PPARGC1B: variants seen among roughly 807,000 people sequenced by gnomAD.
PPARGC1B encodes peroxisome proliferator-activated receptor gamma coactivator 1-beta.
PPARGC1B carries 34 observed loss-of-function variants against 101.6 expected under a neutral mutation model. The observed-to-expected ratio is 0.33, with a 90% CI of 0.25 to 0.45. The LOEUF is 0.45. Ranked by LOEUF, PPARGC1B falls within the 20% of genes least tolerant of loss-of-function variation. The pLI is 1.00. For missense variants in PPARGC1B, 1,234 were observed against 1,317.6 expected (o/e 0.94, Z 0.98); for synonymous variants, 548 against 539.3 (o/e 1.02, Z -0.22).
intron 1 of PPARGC1B, among the ~76,000 whole-genome samples, chr5:149,808,268 C>G (rs1757674707): frequency 6.6e-6 from 1 of 152,100 alleles, no homozygotes; most frequent in Non-Finnish European, 1.5e-5. Flanking sequence ...TAATTCCAGC[C>G]CCAGCTCCAC....
chr5:149,838,451 G>C (rs551651300), intron 8 of PPARGC1B, among the ~76,000 whole-genome samples: 1 of 152,278 alleles, frequency 6.6e-6, no homozygotes, highest in African/African-American at 2.4e-5. Flanking sequence ...TTTCCCGGGG[G>C]TAGCTTCTGC....
intron 1 of PPARGC1B, among the ~76,000 whole-genome samples, chr5:149,795,562 G>A (rs1332131139): frequency 6.6e-6 from 1 of 152,206 alleles, no homozygotes; most frequent in Non-Finnish European, 1.5e-5. Context: ...GAAAGGAGCA[G>A]TGGGGAGTTT....
chr5:149,839,089 C>T (rs139018790), intron 8 of PPARGC1B, among the ~76,000 whole-genome samples: 90 of 152,254 alleles, frequency 5.9e-4, no homozygotes, highest in African/African-American at 2.1e-3. Flanking sequence ...GCTGCTTATC[C>T]CCATTTTATA....
chr5:149,751,423 C>T (rs535372246), intron 1 of PPARGC1B, among the ~76,000 whole-genome samples: 2 of 152,144 alleles, frequency 1.3e-5, no homozygotes, highest in African/African-American at 2.4e-5. Flanking sequence ...AAACTAATCC[C>T]GGCCGGGCAC....
At chr5:149,737,595 G>T (rs182632356) in intron 1 of PPARGC1B, among the ~76,000 whole-genome samples, 1 of 152,208 alleles carries the variant, frequency 6.6e-6, no homozygotes. Context: ...CCCCTTACTG[G>T]GTTTGAGTCT....
chr5:149,847,672 AC>A lies in PPARGC1B; in HGVS notation c.*117del. On this transcript the variant is annotated 3_prime_UTR_variant, in exon 12 of 12. Transcript: ENST00000309241. ...GGAGAGCGAGCGAGCGTGAGAGAAC[AC>A]CCGTGAGAGAGACTTGAAACTGCTG... 1.3e-6 allele frequency: 1 copy of A among 741,208 alleles called. No individual in the cohort carries two copies. The highest frequency in any genetic ancestry group is 2.3e-6 in the Non-Finnish European group (1 of 437,824). The allele number at this position is 741,208 out of a possible 1,614,324, so 45.9% of individuals were successfully genotyped here. A position where few individuals can be genotyped will look rare whatever the true frequency, so the allele number is the denominator to read the frequency against.
chr5:149,822,838 A>G (rs1336547172), intron 2 of PPARGC1B, among the ~76,000 whole-genome samples: 1 of 151,962 alleles, frequency 6.6e-6, no homozygotes, highest in African/African-American at 2.4e-5. Context: ...GACCCATTCC[A>G]AAAACCTTGA....
intron 1 of PPARGC1B, among the ~76,000 whole-genome samples, chr5:149,792,187 A>G (rs920978385): frequency 1.3e-5 from 2 of 152,138 alleles, no homozygotes; most frequent in African/African-American, 4.8e-5. Context: ...GGGTGGGAAG[A>G]GCAGGACATG....
intron 1 of PPARGC1B, among the ~76,000 whole-genome samples, chr5:149,751,958 C>G (rs1006659786): frequency 6.6e-6 from 1 of 152,170 alleles, no homozygotes; most frequent in African/African-American, 2.4e-5. Flanking sequence ...ACAGCAATCC[C>G]TGCATTGCTG....
At chr5:149,766,177 C>G (rs2113169883) in intron 1 of PPARGC1B, among the ~76,000 whole-genome samples, 1 of 152,218 alleles carries the variant, frequency 6.6e-6, no homozygotes, top group Admixed American at 6.5e-5. Flanking sequence ...TATTTTAAGT[C>G]TTGTTTTTAA....
In PPARGC1B at chr5:149,826,819, T is replaced by C; in HGVS notation, c.399T>C (p.Ser133=). 1 of 1,613,930 alleles carries C rather than the reference T, an allele frequency of 6.2e-7. No individual in the cohort carries two copies. The highest frequency in any genetic ancestry group is 1.7e-4 in the Middle Eastern group (1 of 6,054). Residue 133 remains serine (S), a synonymous_variant, in exon 3 of 12, where the codon TCT becomes TCC. Transcript: ENST00000309241. ...SCTSASPAPS[S]APPSPAPEKP... The stretch of plus-strand genomic sequence containing the variant: ...CCTCAGCTTCGCCTGCCCCCTCATC[T>C]GCACCCCCCAGCCCTGCCCCGGAGA...
At chr5:149,818,137 G>C (rs1279024071) in intron 1 of PPARGC1B, among the ~76,000 whole-genome samples, 1 of 152,226 alleles carries the variant, frequency 6.6e-6, no homozygotes, top group African/African-American at 2.4e-5. Context: ...CTTGTGGGGA[G>C]AGCGGTACCT....
intron 1 of PPARGC1B, chr5:149,771,827 C>T (rs1331842856): frequency 1.4e-5 from 5 of 369,852 alleles, no homozygotes; most frequent in Non-Finnish European, 2.4e-5. Context: ...GTGGGAGGCT[C>T]TGAGTTGTAG....
intron 1 of PPARGC1B, chr5:149,732,771 G>C (rs1398149208): frequency 1.1e-5 from 5 of 471,498 alleles, no homozygotes; most frequent in Non-Finnish European, 2.2e-5. Flanking sequence ...AAGAGGCTGC[G>C]AGGAGTGAGC....
chr5:149,826,626 C>A, intron 2 of PPARGC1B, 47 bp from the exon 3 acceptor site: 1 of 1,445,392 alleles, frequency 6.9e-7, no homozygotes, highest in Non-Finnish European at 9.7e-7. Flanking sequence ...TGGTGACTAA[C>A]CATCTCCCCA....
At position 149,848,559 on chromosome 5, in the gene PPARGC1B, G is replaced by A. The variant is rs1399538408; in HGVS notation, c.*1001G>A. ...ATTGGGCACCGGGCTAGAAGCCTAAGGGCTCATTTTAGGGGTTACATTAGG... is the reference window on the plus strand; with the variant it reads ...ATTGGGCACCGGGCTAGAAGCCTAAAGGCTCATTTTAGGGGTTACATTAGG... On this transcript the variant is annotated 3_prime_UTR_variant, in exon 12 of 12. Coordinates refer to ENST00000309241, the MANE Select transcript of PPARGC1B (RefSeq NM_133263.4). 1 of 152,324 alleles carries A rather than the reference G, an allele frequency of 6.6e-6. No individual in the cohort carries two copies. The highest frequency in any genetic ancestry group is 1.9e-4 in the East Asian group (1 of 5,182). The allele number at this position is 152,324 out of a possible 1,614,324, so 9.4% of individuals were successfully genotyped here.
At chr5:149,835,023 C>T (rs1343930750) in intron 6 of PPARGC1B, among the ~76,000 whole-genome samples, 3 of 152,228 alleles carry the variant, frequency 2.0e-5, no homozygotes, top group Non-Finnish European at 4.4e-5. Context: ...TTCTGGGCCT[C>T]GGTTGCTCCC....
chr5:149,833,180 C>T lies in PPARGC1B; in HGVS notation c.1107C>T (p.Leu369=), dbSNP rs1272047031. Residue 369 remains leucine (L), a synonymous_variant, in exon 5 of 12, where the codon CTC becomes CTT. Transcript: ENST00000309241. The surrounding 1 kb of genome is among the most constrained non-coding windows in gnomAD (Gnocchi z 4.1). ...TGGCCACGCCTGTTTATGCCTCCCT[C>T]ACACCTCGGTCAAGGCCCAGGCCCC... The part of the protein sequence containing the change: ...YRLATPVYAS[L]TPRSRPRPPK... 1.2e-6 allele frequency: 2 copies of T among 1,613,438 alleles called. No homozygotes were observed. Among genetic ancestry groups the T allele is most frequent in the Non-Finnish European group, 1.7e-6 (2 of 1,180,054 alleles).
At chr5:149,749,717 G>A (rs558051433) in intron 1 of PPARGC1B, among the ~76,000 whole-genome samples, 4 of 152,196 alleles carry the variant, frequency 2.6e-5, no homozygotes, top group African/African-American at 7.2e-5. Flanking sequence ...TCTGGAGGGA[G>A]CCCTGGGCTG....
Sources: allele counts gnomAD v4.1 joint callset (sites outside exome capture counted in the v4.1 genomes callset), GRCh38; gene constraint gnomAD v4.1.1; non-coding constraint Gnocchi (gnomAD v3.1); transcripts MANE v1.5; gene names NCBI Gene and HGNC (gene_info 2026-07-23, HGNC 2026-07-21).